AKAP6: variants seen among roughly 807,000 people sequenced by gnomAD.
AKAP6 encodes A-kinase anchor protein 6.
Under a neutral mutation model 188.5 loss-of-function variants are expected in AKAP6, and 58 were observed. The ratio of observed to expected loss-of-function variants is 0.31; its 90% confidence interval spans 0.25 to 0.38. The LOEUF (loss-of-function observed/expected upper bound fraction) is 0.38. Ranked by LOEUF, AKAP6 falls within the 10% of genes least tolerant of loss-of-function variation. The pLI is 1.00. For missense variants in AKAP6, 2,710 were observed against 2,740.0 expected (o/e 0.99, Z 0.24); for synonymous variants, 989 against 998.6 (o/e 0.99, Z 0.18).
intron 1 of AKAP6, among the ~76,000 whole-genome samples, chr14:32,417,515 T>C (rs1484147332): frequency 6.6e-6 from 1 of 152,180 alleles, no homozygotes; most frequent in African/African-American, 2.4e-5. Flanking sequence ...CAGTTCTTTC[T>C]TTCCTGGACT....
chr14:32,683,414 G>A (rs981311633), intron 8 of AKAP6, among the ~76,000 whole-genome samples: 1 of 152,182 alleles, frequency 6.6e-6, no homozygotes, highest in Non-Finnish European at 1.5e-5. Flanking sequence ...GAAAGTATCA[G>A]TAAACCTCAG....
At chr14:32,726,217 G>A (rs2030865564) in intron 9 of AKAP6, 1 of 982,262 alleles carries the variant, frequency 1.0e-6, no homozygotes, top group Non-Finnish European at 1.2e-6. Flanking sequence ...AGACTAAGGA[G>A]AAAACTTAGA....
chr14:32,403,303 C>T lies in AKAP6; in HGVS notation c.-34-30157C>T, dbSNP rs560560647. 14 of 152,184 alleles carry T rather than the reference C, an allele frequency of 9.2e-5. 1 individual carries two copies. The highest frequency in any genetic ancestry group is 1.6e-4 in the Non-Finnish European group (11 of 68,016). The allele number at this position is 152,184 out of a possible 1,614,324, so 9.4% of individuals were successfully genotyped here. A position where few individuals can be genotyped will look rare whatever the true frequency, so the allele number is the denominator to read the frequency against. Reference sequence around the variant, plus strand: ...TCTTGACAAAACTATTAATAGGTCCCGAGATGTTGATAATACTGTCATGAC... The same window carrying T: ...TCTTGACAAAACTATTAATAGGTCCTGAGATGTTGATAATACTGTCATGAC... On this transcript the variant is annotated intron_variant, in intron 1 of 13. Coordinates refer to ENST00000280979, the MANE Select transcript of AKAP6 (RefSeq NM_004274.5).
chr14:32,654,959 G>C (rs1403747337), intron 7 of AKAP6, among the ~76,000 whole-genome samples: 1 of 152,120 alleles, frequency 6.6e-6, no homozygotes, highest in African/African-American at 2.4e-5. Context: ...AATGTTTGCA[G>C]AATTTGCAAC....
At chr14:32,779,162 G>A (rs962952160) in intron 12 of AKAP6, among the ~76,000 whole-genome samples, 2 of 152,028 alleles carry the variant, frequency 1.3e-5, no homozygotes, top group African/African-American at 4.8e-5. Flanking sequence ...TTGGGAGGCT[G>A]AGGCAGCAGG....
At chr14:32,587,042 A>G (rs976299050) in intron 5 of AKAP6, among the ~76,000 whole-genome samples, 1 of 152,236 alleles carries the variant, frequency 6.6e-6, no homozygotes, top group Non-Finnish European at 1.5e-5. Flanking sequence ...CTATCAGAGT[A>G]TGTTATTACA....
chr14:32,821,456 G>C lies in AKAP6; in HGVS notation c.3643G>C (p.Asp1215His), dbSNP rs905222995. Residue 1215 changes from aspartate (D) to histidine (H), a missense_variant, in exon 13 of 14, where the codon GAT (aspartate) becomes CAT (histidine). Around this residue, in one of 2 missense-constraint regions of AKAP6, gnomAD observed 2,473 missense variants for 2,426.1 expected, o/e 1.02. Transcript: ENST00000280979. Reference protein sequence around the residue: ...GLMDLNGMSEDALEWDEMDIS... With the variant: ...GLMDLNGMSEHALEWDEMDIS... ...GATGGACCTAAATGGGATGAGTGAG[G>C]ATGCCCTGGAATGGGATGAAATGGA... 3 of 1,613,346 alleles carry C rather than the reference G, an allele frequency of 1.9e-6. No homozygotes were observed. The African/African-American group carries it at 4.0e-5, about 22-fold the overall frequency.
At chr14:32,715,048 A>C (rs1206324929) in intron 9 of AKAP6, among the ~76,000 whole-genome samples, 1 of 151,918 alleles carries the variant, frequency 6.6e-6, no homozygotes, top group Non-Finnish European at 1.5e-5. Flanking sequence ...CTGGAGAGCT[A>C]TATGGTCGAA....
At chr14:32,774,403 A>G (rs2032991389) in intron 12 of AKAP6, among the ~76,000 whole-genome samples, 1 of 152,172 alleles carries the variant, frequency 6.6e-6, no homozygotes, top group Admixed American at 6.5e-5. Context: ...TTGTACAGTA[A>G]TCTCCTAGTG....
intron 7 of AKAP6, among the ~76,000 whole-genome samples, chr14:32,649,417 C>T (rs571637653): frequency 3.3e-5 from 5 of 152,092 alleles, no homozygotes; most frequent in South Asian, 4.2e-4. Context: ...TTATGTATGC[C>T]GATTGGCAGG....
At chr14:32,340,235 CAT>C (rs1000318499) in intron 1 of AKAP6, among the ~76,000 whole-genome samples, 4 of 151,638 alleles carry the variant, frequency 2.6e-5, no homozygotes, top group Non-Finnish European at 4.4e-5. Context: ...TTAAATAAAA[CAT>C]ATTTAATATA....
At chr14:32,571,604 C>G (rs1418320029) in intron 4 of AKAP6, among the ~76,000 whole-genome samples, 1 of 152,158 alleles carries the variant, frequency 6.6e-6, no homozygotes, top group Admixed American at 6.5e-5. Context: ...CAGCAAGTTT[C>G]TGTGTGGAGG....
chr14:32,814,744 T>C (rs1196184619), intron 12 of AKAP6, among the ~76,000 whole-genome samples: 4 of 152,172 alleles, frequency 2.6e-5, no homozygotes, highest in African/African-American at 9.6e-5. Context: ...TTTTTATTTT[T>C]TGGGGACAGG....
At chr14:32,762,406 T>C (rs1332195775) in intron 11 of AKAP6, among the ~76,000 whole-genome samples, 2 of 152,158 alleles carry the variant, frequency 1.3e-5, no homozygotes, top group Non-Finnish European at 2.9e-5. Context: ...ATTAATTACA[T>C]GTGAATATGA....
chr14:32,434,191 A>T (rs896801885), intron 2 of AKAP6, among the ~76,000 whole-genome samples: 1 of 152,210 alleles, frequency 6.6e-6, no homozygotes, highest in Non-Finnish European at 1.5e-5. Context: ...GAGTATTTGT[A>T]TGTGACTGTT....
At chr14:32,444,786 A>G (rs1027835932) in intron 2 of AKAP6, among the ~76,000 whole-genome samples, 2 of 152,192 alleles carry the variant, frequency 1.3e-5, no homozygotes, top group African/African-American at 4.8e-5. Flanking sequence ...TGTAATTTCT[A>G]TTAAAAGCCT....
intron 1 of AKAP6, among the ~76,000 whole-genome samples, chr14:32,360,416 C>T (rs549402317): frequency 3.3e-5 from 5 of 152,172 alleles, no homozygotes; most frequent in East Asian, 3.9e-4. Context: ...CGTGAGCCAC[C>T]GCGCCTGGCC....
chr14:32,409,130 G>A (rs1042882706), intron 1 of AKAP6, among the ~76,000 whole-genome samples: 3 of 152,126 alleles, frequency 2.0e-5, no homozygotes. Context: ...AACCTGGCAG[G>A]TGGAGGTTGC....
At chr14:32,530,483 G>T (rs1355574116) in intron 2 of AKAP6, among the ~76,000 whole-genome samples, 1 of 152,106 alleles carries the variant, frequency 6.6e-6, no homozygotes, top group African/African-American at 2.4e-5. Flanking sequence ...GATGCACATG[G>T]AGCCCTGGAG....
Sources: allele counts gnomAD v4.1 joint callset (sites outside exome capture counted in the v4.1 genomes callset), GRCh38; gene constraint gnomAD v4.1.1; regional missense constraint gnomAD v4.1.1; transcripts MANE v1.5; gene names NCBI Gene and HGNC (gene_info 2026-07-23, HGNC 2026-07-21).